ACAP3: variants seen among roughly 807,000 people sequenced by gnomAD.
The protein encoded by ACAP3 is arf-GAP with coiled-coil, ANK repeat and PH domain-containing protein 3.
ACAP3 carries 56 observed loss-of-function variants against 104.1 expected under a neutral mutation model. The ratio of observed to expected loss-of-function variants is 0.54; its 90% CI spans 0.43 to 0.67. ACAP3 has a LOEUF of 0.67. ACAP3 is among the 30% of genes least tolerant of loss of function. ACAP3 has a pLI of 0.00. For synonymous variants in ACAP3, 628 were observed against 496.2 expected (o/e 1.27, Z -3.53); for missense variants, 1,208 against 1,174.9 (o/e 1.03, Z -0.41).
chr1:1,301,849 G>T, intron 5 of ACAP3, 139 bp downstream of exon 5: 1 of 763,146 alleles, frequency 1.3e-6, no homozygotes, highest in Non-Finnish European at 1.9e-6. Flanking sequence ...GTCTGCCTCT[G>T]AGCCTTCTGC....
rs535677689 is a variant in ACAP3, at chr1:1,296,756, C to T, written c.1129-123G>A. ...AGGGCCCCTCGAGCACACGCCCGCA[C>T]ACGCACGTACACGCGCACACCCTCA... is the stretch of plus-strand genomic sequence containing the variant. On this transcript the variant is annotated intron_variant, in intron 14 of 23. Transcript: ENST00000354700. 2.6e-5 allele frequency: 25 copies of T among 973,104 alleles called. No homozygotes were observed. The East Asian group carries it at 6.6e-4, about 26-fold the overall frequency. The allele number at this position is 973,104 out of a possible 1,614,324, so 60.3% of individuals were successfully genotyped here. A position where few individuals can be genotyped will look rare whatever the true frequency, so the allele number is the denominator to read the frequency against.
At chr1:1,294,016 T>G in intron 22 of ACAP3, 74 bp downstream of exon 22, 1 of 1,475,056 alleles carries the variant, frequency 6.8e-7, no homozygotes, top group South Asian at 1.3e-5. Context: ...GGATAGGGCA[T>G]GGCGGACAGG....
chr1:1,307,746 C>G (rs1641808655), intron 1 of ACAP3, 23 bp downstream of exon 1: 2 of 1,095,358 alleles, frequency 1.8e-6, no homozygotes, highest in Non-Finnish European at 1.1e-6. Context: ...CTGCGCCCAC[C>G]CCGGCGGCCC....
Position 1,295,858 on chromosome 1 carries a change from T to C in ACAP3, c.1583A>G (p.Glu528Gly). 6.2e-7 allele frequency: 1 copy of C among 1,611,802 alleles called. No homozygotes were observed. Among genetic ancestry groups the C allele is most frequent in the South Asian group, 1.1e-5 (1 of 91,088 alleles). The change falls in exon 18 of 24, where the codon GAG (glutamate) becomes GGG (glycine). Residue 528 changes from glutamate (E) to glycine (G), a missense_variant. By Grantham distance (98) the Glu-to-Gly change is moderately conservative. Transcript: ENST00000354700. Reference protein sequence around the residue: ...LRKAPMAPALEAPRRWRVQKC... With the variant: ...LRKAPMAPALGAPRRWRVQKC... ...CTGCACCCTCCAGCGTCTTGGGGCC[T>C]CCAGGGCTGGTGCCATGGGCGCCTT...
intron 2 of ACAP3, 68 bp downstream of exon 2, chr1:1,304,018 G>A (rs965903723): frequency 9.1e-6 from 14 of 1,540,358 alleles, no homozygotes; most frequent in East Asian, 2.4e-5. Flanking sequence ...AAGGCCTGGA[G>A]GGCGAGTCTG....
At chr1:1,306,738 G>A (rs1309657248) in intron 1 of ACAP3, among the ~76,000 whole-genome samples, 2 of 152,220 alleles carry the variant, frequency 1.3e-5, no homozygotes, top group Non-Finnish European at 2.9e-5. Context: ...GCACACACTG[G>A]TACCACACAT....
In ACAP3 at chr1:1,303,742, C is replaced by G. The variant is rs112856704; in HGVS notation, c.105+344G>C. ...CCCTCCACGGCCTGTTGCCCCCTCC[C>G]CTTTCTCAGCCCCAGCCCCAGCCAC... On this transcript the variant is annotated intron_variant, in intron 2 of 23. Coordinates refer to ENST00000354700, the MANE Select transcript of ACAP3 (RefSeq NM_030649.3). The surrounding 1 kb of genome is among the most constrained non-coding windows in gnomAD (Gnocchi z 4.0). The G allele has an allele frequency of 2.2e-6, 1 of 446,000 alleles. No homozygotes were observed. The allele number at this position is 446,000 out of a possible 1,614,324, so 27.6% of individuals were successfully genotyped here.
In ACAP3 at chr1:1,297,163, AGGCGCGG is replaced by A. The variant is rs1557601067; in HGVS notation, c.1129-537_1129-531del. ...CCCAGTGGCACGTGTGTGTGTGCACAGGCGCGGGGCAGGGGCCATCCCCAGTGGCACG... is the reference window on the plus strand; with the variant it reads ...CCCAGTGGCACGTGTGTGTGTGCACAGGCAGGGGCCATCCCCAGTGGCACG... On this transcript the variant is annotated intron_variant, in intron 14 of 23. Coordinates refer to ENST00000354700, the MANE Select transcript of ACAP3 (RefSeq NM_030649.3). Among the ~76,000 whole-genome samples the A allele has an allele frequency of 4.0e-3, 495 of 123,036 alleles. 10 individuals carry two copies. Among genetic ancestry groups the A allele is most frequent in the South Asian group, 9.3e-3 (34 of 3,650 alleles). 80.7% of individuals were successfully genotyped at this position (123,036 alleles called of 152,430 possible).
intron 1 of ACAP3, chr1:1,307,279 C>G: frequency 7.8e-7 from 1 of 1,288,726 alleles, no homozygotes; most frequent in Admixed American, 2.3e-5. Context: ...TCTTCTCGGC[C>G]GCCACCCCTC....
chr1:1,298,956 C>T (rs1009019029), intron 10 of ACAP3: 19 of 550,974 alleles, frequency 3.4e-5, no homozygotes, highest in African/African-American at 1.7e-4. Context: ...CAGCAGGCTG[C>T]GATCAGGAAG....
chr1:1,294,570 G>A lies in ACAP3; in HGVS notation c.1971C>T (p.Ala657=). The A allele has an allele frequency of 6.6e-7, 1 of 1,509,306 alleles. No homozygotes were observed. The highest frequency in any genetic ancestry group is 8.8e-7 in the Non-Finnish European group (1 of 1,136,794). 93.5% of individuals were successfully genotyped at this position (1,509,306 alleles called of 1,614,324 possible). Residue 657 remains alanine, a synonymous_variant, in exon 21 of 24, where the codon GCC becomes GCT. Coordinates refer to ENST00000354700, the MANE Select transcript of ACAP3 (RefSeq NM_030649.3). ...GEADGDTEAE[A]WGLADVRELH... ...GCTCGCGCACGTCCGCCAGGCCCCAGGCCTCGGCCTCAGTGTCCCCGTCTG... is the reference window on the plus strand; with the variant it reads ...GCTCGCGCACGTCCGCCAGGCCCCAAGCCTCGGCCTCAGTGTCCCCGTCTG...
At chr1:1,300,310 G>A in intron 6 of ACAP3, 108 bp from the exon 7 acceptor site, 1 of 1,393,458 alleles carries the variant, frequency 7.2e-7, no homozygotes, top group Admixed American at 2.5e-5. Flanking sequence ...GAGACCCCCA[G>A]GTCGTCTTCA....
chr1:1,296,659 G>A, intron 14 of ACAP3, 26 bp from the exon 15 acceptor site: 1 of 1,521,748 alleles, frequency 6.6e-7, no homozygotes, highest in Non-Finnish European at 8.8e-7. Context: ...GAGCTGCTCG[G>A]TCCCGCAGGG....
At chr1:1,304,328 C>T (rs115928552) in intron 1 of ACAP3, 185 bp from the exon 2 acceptor site, 9 of 683,488 alleles carry the variant, frequency 1.3e-5, no homozygotes, top group African/African-American at 9.0e-5. Context: ...TTCCCCCCGC[C>T]CCCCCAACCC....
At chr1:1,298,341 A>G (rs1343129112) in intron 12 of ACAP3, 29 bp downstream of exon 12, 1 of 1,606,132 alleles carries the variant, frequency 6.2e-7, no homozygotes, top group South Asian at 1.1e-5. Flanking sequence ...TCCAGCCATC[A>G]GGGCCCCAGC....
chr1:1,297,096 G>C (rs1433830664), intron 14 of ACAP3, among the ~76,000 whole-genome samples: 1 of 152,158 alleles, frequency 6.6e-6, no homozygotes, highest in Non-Finnish European at 1.5e-5. Context: ...GCCATCCCCA[G>C]TGGCACGTAG....
Position 1,293,500 on chromosome 1 carries a change from A to G in ACAP3, c.*64T>C, listed in dbSNP as rs1640932851. 3.0e-6 allele frequency: 4 copies of G among 1,351,614 alleles called. No individual in the cohort carries two copies. Among genetic ancestry groups the G allele is most frequent in the Admixed American group, 8.2e-5 (2 of 24,508 alleles). 83.7% of individuals were successfully genotyped at this position (1,351,614 alleles called of 1,614,324 possible). On this transcript the variant is annotated 3_prime_UTR_variant, in exon 24 of 24. Transcript: ENST00000354700. ...GCAGGGCCGCGGCCGGGTGGGCGCC[A>G]GGGACTTCGGGGCATGCGGGGCGTC...
At chr1:1,306,381 G>T (rs1641695662) in intron 1 of ACAP3, among the ~76,000 whole-genome samples, 1 of 152,138 alleles carries the variant, frequency 6.6e-6, no homozygotes, top group East Asian at 1.9e-4. Flanking sequence ...CCCCCAGCAG[G>T]GAGGCCATGC....
rs77979329 is a variant in ACAP3 at position 1,302,666 on chromosome 1, A to G, written c.279+256T>C. ...GGCAGCCAGGCCAGCCTGGGACGAGAGCCCTGCCCAGTTGGGGGAACCCTG... is the reference window on the plus strand; with the variant it reads ...GGCAGCCAGGCCAGCCTGGGACGAGGGCCCTGCCCAGTTGGGGGAACCCTG... On this transcript the variant is annotated intron_variant, in intron 4 of 23. Coordinates refer to ENST00000354700, the MANE Select transcript of ACAP3 (RefSeq NM_030649.3). Among the ~76,000 whole-genome samples the G allele has an allele frequency of 1.3e-3, 195 of 151,844 alleles. 1 individual carries two copies. Among genetic ancestry groups the G allele is most frequent in the African/African-American group, 4.4e-3 (184 of 41,400 alleles).
Sources: gnomAD v4.1 joint callset for allele counts (sites outside exome capture counted in the v4.1 genomes callset) on GRCh38, gnomAD v4.1.1 for gene constraint, Gnocchi (gnomAD v3.1) non-coding constraint, MANE v1.5 for transcripts, NCBI Gene and HGNC (gene_info 2026-07-23, HGNC 2026-07-21) for gene names.